Variants in TRDN observed in about 807,000 individuals in gnomAD.
TRDN encodes the protein triadin.
A neutral mutation model predicts 149.7 loss-of-function variants in TRDN; 161 were observed. That is an observed-to-expected ratio of 1.08 (90% confidence interval 0.95 to 1.23). TRDN has a LOEUF of 1.23. Ranked by LOEUF, TRDN falls within the 50% of genes most tolerant of loss-of-function variation. The pLI, the probability that TRDN is intolerant of heterozygous loss-of-function variation, is 0.00. For missense variants in TRDN, 896 were observed against 823.5 expected, an observed-to-expected ratio of 1.09 and a Z score of -1.08; for synonymous variants, 294 against 250.5, an observed-to-expected ratio of 1.17 and a Z score of -1.64.
chr6:123,257,086 T>G (rs1036618301), intron 35 of TRDN, among the ~76,000 whole-genome samples: 5 of 151,962 alleles, frequency 3.3e-5, no homozygotes, highest in Non-Finnish European at 7.4e-5. Context: ...GTTCAAGTGA[T>G]TCTCCTGCCT....
intron 24 of TRDN, among the ~76,000 whole-genome samples, chr6:123,306,364 TAA>T (rs1778611960): frequency 6.6e-6 from 1 of 152,086 alleles, no homozygotes; most frequent in Non-Finnish European, 1.5e-5. Flanking sequence ...AGCCTAACTG[TAA>T]AATGATTGAT....
chr6:123,247,720 G>T (rs555483604), intron 38 of TRDN, among the ~76,000 whole-genome samples: 12 of 151,800 alleles, frequency 7.9e-5, no homozygotes, highest in African/African-American at 2.9e-4. Context: ...AGCTACCACA[G>T]ACTTTCTTCA....
At chr6:123,405,820 GGGT>G (rs769176044) in intron 12 of TRDN, among the ~76,000 whole-genome samples, 7 of 151,862 alleles carry the variant, frequency 4.6e-5, no homozygotes, top group Admixed American at 3.3e-4. Context: ...TAATCCTCAT[GGGT>G]ACCTAATCCA....
In TRDN at chr6:123,516,180, T is replaced by C; in HGVS notation, c.511A>G (p.Lys171Glu). The change falls in exon 6 of 41, where the codon AAA (lysine) becomes GAA (glutamate). Residue 171 changes from lysine to glutamate, a missense_variant. Physicochemically the swap from Lys to Glu is moderately conservative, Grantham distance 56. Coordinates refer to ENST00000334268, the MANE Select transcript of TRDN (RefSeq NM_006073.4). ...KVTHKEKEKG[K>E]EKVREKEKPE... ...TTTTCTTTTTCTCTTACTTTTTCTT[T>C]TCCTTTTTCTTTTTCTTTGTGTGTA... 1.3e-6 allele frequency: 2 copies of C among 1,490,352 alleles called. No individual in the cohort carries two copies. The highest frequency in any genetic ancestry group is 2.1e-5 in the Admixed American group (1 of 46,862). 92.3% of individuals were successfully genotyped at this position (1,490,352 alleles called of 1,614,324 possible).
chr6:123,609,253 A>C (rs2114673275), intron 1 of TRDN, among the ~76,000 whole-genome samples: 1 of 152,284 alleles, frequency 6.6e-6, no homozygotes, highest in East Asian at 1.9e-4. Context: ...GAAATACAAT[A>C]TATCCATGCA....
chr6:123,505,444 C>T (rs368341881), intron 7 of TRDN, among the ~76,000 whole-genome samples: 477 of 152,028 alleles, frequency 3.1e-3, no homozygotes, highest in Middle Eastern at 6.8e-3. Flanking sequence ...TAATTGACTA[C>T]GCCAGCACTT....
intron 5 of TRDN, among the ~76,000 whole-genome samples, chr6:123,518,640 C>G (rs1779526298): frequency 6.6e-6 from 1 of 152,160 alleles, no homozygotes; most frequent in African/African-American, 2.4e-5. Context: ...TGAATTCGGA[C>G]TGAAATTAGC....
chr6:123,633,856 G>C (rs998517926), intron 1 of TRDN, among the ~76,000 whole-genome samples: 1 of 152,008 alleles, frequency 6.6e-6, no homozygotes, highest in African/African-American at 2.4e-5. Flanking sequence ...AGTTGAATAA[G>C]CACTGGGATG....
At chr6:123,395,503 G>C (rs1772684660) in intron 12 of TRDN, among the ~76,000 whole-genome samples, 1 of 152,046 alleles carries the variant, frequency 6.6e-6, no homozygotes, top group Admixed American at 6.6e-5. Context: ...TCCTGGGTTG[G>C]GCTGTGTGCA....
intron 10 of TRDN, chr6:123,464,622 G>C: frequency 8.7e-7 from 1 of 1,143,038 alleles, no homozygotes; most frequent in Non-Finnish European, 1.1e-6. Context: ...GCAAGGCATA[G>C]CCTTATCTAT....
chr6:123,504,755 G>T (rs1171093011), intron 7 of TRDN, among the ~76,000 whole-genome samples: 1 of 152,144 alleles, frequency 6.6e-6, no homozygotes, highest in East Asian at 1.9e-4. Context: ...GATCATTCAA[G>T]CATCTTTTAA....
intron 2 of TRDN, among the ~76,000 whole-genome samples, chr6:123,554,091 T>C (rs1026071128): frequency 6.6e-6 from 1 of 152,192 alleles, no homozygotes; most frequent in African/African-American, 2.4e-5. Flanking sequence ...ATCCAAAGAC[T>C]GTTTTCATTG....
In TRDN at chr6:123,284,124, C is replaced by T. The variant is rs1040493209; in HGVS notation, c.1511-5042G>A. Among the ~76,000 whole-genome samples the T allele has an allele frequency of 6.1e-4, 83 of 135,592 alleles. 2 individuals carry two copies. Among genetic ancestry groups the T allele is most frequent in the African/African-American group, 2.1e-3 (75 of 35,868 alleles). The allele number at this position is 135,592 out of a possible 152,430, so 89.0% of individuals were successfully genotyped here. A position where few individuals can be genotyped will look rare whatever the true frequency, so the allele number is the denominator to read the frequency against. On this transcript the variant is annotated intron_variant, in intron 24 of 40. Coordinates refer to ENST00000334268, the MANE Select transcript of TRDN (RefSeq NM_006073.4). ...TGGTACCAATTCTGTTGACATTATT[C>T]GACAAGACAGAGAAAGAAGGAATCC... is the stretch of plus-strand genomic sequence containing the variant.
At chr6:123,622,627 A>G (rs898843215) in intron 1 of TRDN, among the ~76,000 whole-genome samples, 5 of 152,140 alleles carry the variant, frequency 3.3e-5, no homozygotes, top group Admixed American at 2.0e-4. Context: ...TAAACACTGA[A>G]CTGAGGAGAC....
intron 10 of TRDN, chr6:123,440,832 T>A (rs558794473): frequency 6.6e-6 from 1 of 152,306 alleles, no homozygotes; most frequent in East Asian, 1.9e-4. Flanking sequence ...AATGCTCTTG[T>A]GCAACAAATT....
chr6:123,259,723 T>A (rs185940854), intron 34 of TRDN, 61 bp from the exon 35 acceptor site: 2 of 1,217,132 alleles, frequency 1.6e-6, no homozygotes, highest in African/African-American at 1.5e-5. Context: ...TCTTACTCAT[T>A]CTTGGAGTAA....
At chr6:123,563,699 G>A (rs1782120217) in intron 2 of TRDN, among the ~76,000 whole-genome samples, 1 of 152,152 alleles carries the variant, frequency 6.6e-6, no homozygotes, top group Admixed American at 6.5e-5. Context: ...ACAGATTAGT[G>A]GAGAAGAGAT....
chr6:123,536,821 C>G (rs1162753509), intron 4 of TRDN, among the ~76,000 whole-genome samples: 1 of 151,966 alleles, frequency 6.6e-6, no homozygotes, highest in Non-Finnish European at 1.5e-5. Context: ...GAGGTTGAGG[C>G]TGCAGTGAGC....
At chr6:123,527,060 C>A (rs968326165) in intron 5 of TRDN, among the ~76,000 whole-genome samples, 4 of 151,876 alleles carry the variant, frequency 2.6e-5, no homozygotes, top group Non-Finnish European at 4.4e-5. Flanking sequence ...AATTATCTTG[C>A]CCAAGGACAC....
Sources: allele counts gnomAD v4.1 joint callset (sites outside exome capture counted in the v4.1 genomes callset), GRCh38; gene constraint gnomAD v4.1.1; transcripts MANE v1.5; gene names NCBI Gene and HGNC (gene_info 2026-07-23, HGNC 2026-07-21).